FLVCR1: variants seen among roughly 807,000 people sequenced by gnomAD.
FLVCR1 encodes FLVCR choline and heme transporter 1, also known as choline/ethanolamine transporter FLVCR1.
A neutral mutation model predicts 53.6 loss-of-function variants in FLVCR1; 34 were observed. The ratio of observed to expected loss-of-function variants is 0.63; its 90% CI spans 0.48 to 0.84. The LOEUF is 0.84. FLVCR1 is among the 40% of genes least tolerant of loss of function. The pLI is 0.00. For synonymous variants in FLVCR1, 300 were observed against 286.3 expected, an observed-to-expected ratio of 1.05 and a Z score of -0.48; for missense variants, 677 against 696.7, an observed-to-expected ratio of 0.97 and a Z score of 0.32.
chr1:212,872,697 G>A lies in FLVCR1; in HGVS notation c.903G>A (p.Arg301=), dbSNP rs1341407304. 6.2e-7 allele frequency: 1 copy of A among 1,613,314 alleles called. No individual in the cohort carries two copies. Among genetic ancestry groups the A allele is most frequent in the South Asian group, 1.1e-5 (1 of 91,058 alleles). ...LTAIAFKEKP[R]YPPSQAQAAL... is the part of the protein sequence containing the mutation. The stretch of plus-strand genomic sequence containing the variant: ...TCTCAGCCTTCAAAGAAAAACCTCG[G>A]TATCCACCAAGTCAGGCTCAAGCAG... Residue 301 remains arginine, a synonymous_variant, in exon 3 of 10, where the codon CGG becomes CGA. Coordinates refer to ENST00000366971, the MANE Select transcript of FLVCR1 (RefSeq NM_014053.4).
chr1:212,879,492 TCCCAAACTCAGGACCCAAATGGAC>T (rs1664864543), intron 3 of FLVCR1, among the ~76,000 whole-genome samples: 1 of 152,122 alleles, frequency 6.6e-6, no homozygotes, highest in Admixed American at 6.6e-5. Context: ...ATATGCAGTG[TCCCAAACTCAGGACCCAAATGGAC>T]TAAGATAAAA....
intron 2 of FLVCR1, among the ~76,000 whole-genome samples, chr1:212,865,991 T>G (rs759538171): frequency 0.031 from 2,581 of 84,226 alleles, 57 homozygotes; most frequent in South Asian, 0.076. Flanking sequence ...GTTTTTTTTT[T>G]TTTTTTTTTT....
intron 3 of FLVCR1, among the ~76,000 whole-genome samples, chr1:212,879,170 A>T (rs911795446): frequency 6.6e-6 from 1 of 152,190 alleles, no homozygotes; most frequent in African/African-American, 2.4e-5. Context: ...TAAAAACCAG[A>T]TACAGAAACT....
In FLVCR1 at chr1:212,885,277, C is replaced by T. The variant is rs759049446; in HGVS notation, c.1093-16C>T. 4.1e-5 allele frequency: 65 copies of T among 1,582,650 alleles called. No individual in the cohort carries two copies. Among genetic ancestry groups the T allele is most frequent in the Middle Eastern group, 3.3e-4 (2 of 6,022 alleles). ...ATCCATTTATTTGATCAACTTCTTA[C>T]GCAAATTTTTTTCAGGGAGAAGAAG... On this transcript the variant is annotated splice_polypyrimidine_tract_variant and intron_variant, in intron 4 of 9. Transcript: ENST00000366971.
Position 212,872,791 on chromosome 1 carries a change from C to G in FLVCR1, c.997C>G (p.Pro333Ala). 6.2e-7 allele frequency: 1 copy of G among 1,613,826 alleles called. No homozygotes were observed. The highest frequency in any genetic ancestry group is 1.3e-5 in the African/African-American group (1 of 75,018). ...AATAAGAAACCTGTTTAAAAACATT[C>G]CTTTTGTCCTTCTGTTGATCACTTA... ...KSIRNLFKNI[P>A]FVLLLITYGI... The change falls in exon 3 of 10, where the codon CCT becomes GCT. Residue 333 changes from proline to alanine, a missense_variant. Coordinates refer to ENST00000366971, the MANE Select transcript of FLVCR1 (RefSeq NM_014053.4).
chr1:212,872,116 TC>T (rs2102550442), intron 2 of FLVCR1, among the ~76,000 whole-genome samples: 1 of 152,190 alleles, frequency 6.6e-6, no homozygotes, highest in Admixed American at 6.5e-5. Context: ...TCTTTTATTT[TC>T]CTTTTTTTTT....
chr1:212,864,007 G>C (rs1664335480), intron 2 of FLVCR1, 138 bp downstream of exon 2: 1 of 739,218 alleles, frequency 1.4e-6, no homozygotes. Context: ...TCTTGCTCAG[G>C]TAATGAATGC....
intron 3 of FLVCR1, among the ~76,000 whole-genome samples, chr1:212,874,150 G>A (rs1664686120): frequency 6.6e-6 from 1 of 152,150 alleles, no homozygotes; most frequent in Admixed American, 6.6e-5. Flanking sequence ...TGGGATTACA[G>A]GCCCCTGCAA....
intron 8 of FLVCR1, 24 bp downstream of exon 8, chr1:212,889,281 A>C: frequency 7.1e-7 from 1 of 1,415,236 alleles, no homozygotes; most frequent in South Asian, 1.1e-5. Context: ...TTTGCCTGGC[A>C]AAAGGACTTG....
rs574905795 is a variant in FLVCR1, at chr1:212,889,235, G to A, written c.1503G>A (p.Met501Ile). The A allele has an allele frequency of 4.2e-5, 67 of 1,612,128 alleles. 1 individual carries two copies. The South Asian group carries it at 7.3e-4, about 17-fold the overall frequency. The change falls in exon 8 of 10, where the codon ATG becomes ATA. Residue 501 changes from methionine to isoleucine, a missense_variant. Met to Ile is a conservative substitution (Grantham distance 10, BLOSUM62 1). Transcript: ENST00000366971. ...GGAACATTTTTCTCTGTGTCTGGAT[G>A]TTTATAGGCATCATATTAACAGGTA... ...KAGNIFLCVW[M>I]FIGIILTALI...
Position 212,892,852 on chromosome 1 carries a change from G to C in FLVCR1, c.1526-2134G>C, listed in dbSNP as rs144866603. ...AGAACATTCTTGATTCATGGGAGGAGGTCAAACTATCAACATTAACAGGAG... is the reference window on the plus strand; with the variant it reads ...AGAACATTCTTGATTCATGGGAGGACGTCAAACTATCAACATTAACAGGAG... On this transcript the variant is annotated intron_variant, in intron 8 of 9. Transcript: ENST00000366971. Among the ~76,000 whole-genome samples, 419 of 152,098 alleles carry C rather than the reference G, an allele frequency of 2.8e-3. 1 individual carries two copies. Among genetic ancestry groups the C allele is most frequent in the South Asian group, 4.6e-3 (22 of 4,816 alleles).
At chr1:212,867,944 C>T (rs537456770) in intron 2 of FLVCR1, among the ~76,000 whole-genome samples, 1 of 151,866 alleles carries the variant, frequency 6.6e-6, no homozygotes, top group African/African-American at 2.4e-5. Flanking sequence ...GCTGGGACTA[C>T]AGGCACCCAC....
chr1:212,875,978 G>T (rs929397817), intron 3 of FLVCR1, among the ~76,000 whole-genome samples: 2 of 151,122 alleles, frequency 1.3e-5, no homozygotes, highest in African/African-American at 4.9e-5. Context: ...CCTCCACCTC[G>T]CAGGTTCAAG....
intron 5 of FLVCR1, 51 bp downstream of exon 5, chr1:212,885,447 T>C: frequency 7.1e-7 from 1 of 1,402,584 alleles, no homozygotes; most frequent in Non-Finnish European, 1.0e-6. Flanking sequence ...TATTTTGATT[T>C]TAAAGGACAA....
intron 3 of FLVCR1, 131 bp downstream of exon 3, chr1:212,872,949 TAAACTAA>T: frequency 1.1e-6 from 1 of 871,994 alleles, no homozygotes; most frequent in South Asian, 1.6e-5. Context: ...ATCATGAACT[TAAACTAA>T]AAGCAGAAAA....
chr1:212,876,961 A>G (rs1664769681), intron 3 of FLVCR1, among the ~76,000 whole-genome samples: 1 of 152,070 alleles, frequency 6.6e-6, no homozygotes, highest in Admixed American at 6.6e-5. Context: ...CAGCAGTGTA[A>G]AAGTGTTCCT....
intron 8 of FLVCR1, among the ~76,000 whole-genome samples, chr1:212,889,755 CAAAAAAAAAA>C (rs386369572): frequency 9.0e-6 from 1 of 111,612 alleles, no homozygotes; most frequent in East Asian, 2.5e-4. Flanking sequence ...GACTCTGTCT[CAAAAAAAAAA>C]AAAAAAAAGA....
At chr1:212,877,299 T>G (rs143101077) in intron 3 of FLVCR1, among the ~76,000 whole-genome samples, 1,920 of 152,128 alleles carry the variant, frequency 0.013, 29 homozygotes, top group African/African-American at 0.044. Context: ...AATAGATGTT[T>G]ATATTATCTC....
At chr1:212,860,373 A>C (rs1440624433) in intron 1 of FLVCR1, among the ~76,000 whole-genome samples, 4 of 42,674 alleles carry the variant, frequency 9.4e-5, no homozygotes, top group East Asian at 1.2e-3. Context: ...TTTTTTGTAG[A>C]AATGGGGTTT....
Sources: allele counts gnomAD v4.1 joint callset (sites outside exome capture counted in the v4.1 genomes callset), GRCh38; gene constraint gnomAD v4.1.1; transcripts MANE v1.5; gene names NCBI Gene and HGNC (gene_info 2026-07-23, HGNC 2026-07-21).